RNF150: variants seen among roughly 807,000 people sequenced by gnomAD.
RNF150 encodes ring finger protein 150.
Under a neutral mutation model 39.3 loss-of-function variants are expected in RNF150, and 24 were observed. That is an observed-to-expected ratio of 0.61 (90% CI 0.44 to 0.86). RNF150 has a LOEUF of 0.86. Ranked by LOEUF, RNF150 falls within the 40% of genes least tolerant of loss-of-function variation. RNF150 has a pLI of 0.00. For synonymous variants in RNF150, 255 were observed against 227.3 expected (o/e 1.12, Z -1.10); for missense variants, 502 against 587.8 (o/e 0.85, Z 1.51).
At chr4:141,179,857 C>A (rs1560770248) in intron 1 of RNF150, among the ~76,000 whole-genome samples, 1 of 152,122 alleles carries the variant, frequency 6.6e-6, no homozygotes, top group Non-Finnish European at 1.5e-5. Flanking sequence ...CTCAACTGGT[C>A]AGAAAGATGG....
intron 1 of RNF150, among the ~76,000 whole-genome samples, chr4:141,199,971 C>T (rs1728265681): frequency 6.6e-6 from 1 of 151,994 alleles, no homozygotes; most frequent in South Asian, 2.1e-4. Context: ...TATATATGTG[C>T]ATATATACAT....
chr4:140,883,451 T>C (rs1729449327), intron 6 of RNF150, among the ~76,000 whole-genome samples: 1 of 152,220 alleles, frequency 6.6e-6, no homozygotes, highest in South Asian at 2.1e-4. Context: ...GCATTTCTTG[T>C]AAGGCAGGTC....
In RNF150 at chr4:140,937,292, G is replaced by A. The variant is rs534515460; in HGVS notation, c.890+10362C>T. On this transcript the variant is annotated intron_variant, in intron 4 of 6. Coordinates refer to ENST00000515673, the MANE Select transcript of RNF150 (RefSeq NM_020724.2). Reference sequence around the variant, plus strand: ...TTTTGTTTGTTTGAGACAGAGTCTTGCTCTGTTGTCCAGGCTGGAGTGCAA... The same window carrying A: ...TTTTGTTTGTTTGAGACAGAGTCTTACTCTGTTGTCCAGGCTGGAGTGCAA... 2.3e-3 allele frequency among the ~76,000 whole-genome samples: 351 copies of A among 152,186 alleles called. 4 individuals are homozygous for A. The highest frequency in any genetic ancestry group is 7.9e-3 in the African/African-American group (328 of 41,502).
chr4:140,955,754 C>T (rs1290719364), intron 2 of RNF150, among the ~76,000 whole-genome samples: 1 of 152,232 alleles, frequency 6.6e-6, no homozygotes, highest in Non-Finnish European at 1.5e-5. Flanking sequence ...TCTGCCTGAA[C>T]TCTCCCTTGG....
chr4:140,885,288 C>A (rs1729524115), intron 6 of RNF150, among the ~76,000 whole-genome samples: 1 of 148,032 alleles, frequency 6.8e-6, no homozygotes. Context: ...GCAACCTCTG[C>A]CTCCCAGGTT....
chr4:141,085,524 G>A (rs917487110), intron 1 of RNF150, among the ~76,000 whole-genome samples: 2 of 152,208 alleles, frequency 1.3e-5, no homozygotes, highest in Admixed American at 6.5e-5. Flanking sequence ...TGACATGTGA[G>A]TGAAGATGGT....
intron 1 of RNF150, among the ~76,000 whole-genome samples, chr4:140,972,164 A>T (rs1733492168): frequency 6.6e-6 from 1 of 152,166 alleles, no homozygotes; most frequent in African/African-American, 2.4e-5. Context: ...TTCTATTTGT[A>T]CACTTAATAT....
intron 1 of RNF150, among the ~76,000 whole-genome samples, chr4:141,116,198 A>T (rs551883468): frequency 6.6e-6 from 1 of 152,254 alleles, no homozygotes; most frequent in East Asian, 1.9e-4. Context: ...CATCAGAGTG[A>T]ACAGGCAACC....
intron 1 of RNF150, among the ~76,000 whole-genome samples, chr4:141,073,062 C>G (rs1276433787): frequency 6.6e-6 from 1 of 151,976 alleles, no homozygotes; most frequent in Non-Finnish European, 1.5e-5. Flanking sequence ...CATATTTAGT[C>G]ACGGCACCAC....
chr4:140,861,870 ACTAAGG>A lies in RNF150; in HGVS notation c.*6385_*6390del, dbSNP rs1323335474. 6.6e-6 allele frequency: 1 copy of A among 152,222 alleles called. No individual in the cohort carries two copies. The highest frequency in any genetic ancestry group is 2.4e-5 in the African/African-American group (1 of 41,464). 9.4% of individuals were successfully genotyped at this position (152,222 alleles called of 1,614,324 possible). On this transcript the variant is annotated 3_prime_UTR_variant, in exon 7 of 7. Transcript: ENST00000515673. ...CACTAGACTTTAAAGATGGTGTGGT[ACTAAGG>A]CCACAATTCATTTTTTAGATTTCGG...
intron 1 of RNF150, among the ~76,000 whole-genome samples, chr4:141,062,353 A>G (rs967296851): frequency 1.3e-5 from 2 of 152,118 alleles, no homozygotes; most frequent in African/African-American, 2.4e-5. Flanking sequence ...AGGTATGTAT[A>G]TGTATATATA....
intron 1 of RNF150, among the ~76,000 whole-genome samples, chr4:141,191,557 A>T (rs1188013296): frequency 6.6e-6 from 1 of 152,200 alleles, no homozygotes; most frequent in Non-Finnish European, 1.5e-5. Flanking sequence ...AGGGTGTCGT[A>T]TATTTGGAGA....
chr4:141,080,456 C>T (rs1468212152), intron 1 of RNF150, among the ~76,000 whole-genome samples: 16 of 152,152 alleles, frequency 1.1e-4, no homozygotes, highest in Admixed American at 6.5e-4. Context: ...AATTTTCTCT[C>T]GTCATTGTCA....
At chr4:141,092,472 G>A (rs1738623301) in intron 1 of RNF150, among the ~76,000 whole-genome samples, 1 of 151,986 alleles carries the variant, frequency 6.6e-6, no homozygotes, top group Admixed American at 6.6e-5. Context: ...TTGGTATTAG[G>A]TACCTGTAAT....
intron 1 of RNF150, among the ~76,000 whole-genome samples, chr4:141,080,904 AG>A (rs1176983588): frequency 6.6e-6 from 1 of 152,220 alleles, no homozygotes; most frequent in Non-Finnish European, 1.5e-5. Flanking sequence ...AGGAAGGAAC[AG>A]CCGGTGGGCC....
upstream of RNF150, among the ~76,000 whole-genome samples, chr4:141,135,067 G>T (rs2111117665): frequency 1.3e-5 from 2 of 152,346 alleles, no homozygotes; most frequent in South Asian, 4.1e-4. Flanking sequence ...TAATTACAGG[G>T]CCATTGGGCT....
chr4:141,179,481 T>C (rs1005400262), intron 1 of RNF150, among the ~76,000 whole-genome samples: 1 of 152,216 alleles, frequency 6.6e-6, no homozygotes, highest in Non-Finnish European at 1.5e-5. Flanking sequence ...ACAAATACTC[T>C]CTGGTTTTGG....
chr4:141,153,503 T>G (rs1308874822), intron 1 of RNF150, among the ~76,000 whole-genome samples: 3 of 152,152 alleles, frequency 2.0e-5, no homozygotes, highest in African/African-American at 7.2e-5. Context: ...GATCTTGAAC[T>G]TCAAGCTCTT....
At chr4:141,159,821 G>A (rs1406818553) in intron 1 of RNF150, among the ~76,000 whole-genome samples, 1 of 152,224 alleles carries the variant, frequency 6.6e-6, no homozygotes, top group Non-Finnish European at 1.5e-5. Flanking sequence ...TGGGATTACA[G>A]GTGTGAGCCA....
Sources: gnomAD v4.1 joint callset for allele counts (sites outside exome capture counted in the v4.1 genomes callset) on GRCh38, gnomAD v4.1.1 for gene constraint, MANE v1.5 for transcripts, NCBI Gene and HGNC (gene_info 2026-07-23, HGNC 2026-07-21) for gene names.